GRID2: variants seen among roughly 807,000 people sequenced by gnomAD.
GRID2 encodes glutamate receptor ionotropic, delta-2.
A neutral mutation model predicts 114.8 loss-of-function variants in GRID2; 33 were observed. The observed-to-expected ratio is 0.29, with a 90% CI of 0.22 to 0.38. The LOEUF is 0.38. GRID2 is among the 10% of genes least tolerant of loss of function. The probability of loss-of-function intolerance (pLI) is 1.00; values close to 1 mark genes in which losing one functional copy is unlikely to be tolerated. For missense variants in GRID2, 1,184 were observed against 1,257.7 expected (o/e 0.94, Z 0.89); for synonymous variants, 505 against 449.9 (o/e 1.12, Z -1.55).
At chr4:92,818,895 T>A (rs960088982) in intron 2 of GRID2, among the ~76,000 whole-genome samples, 1 of 152,142 alleles carries the variant, frequency 6.6e-6, no homozygotes, top group Non-Finnish European at 1.5e-5. Flanking sequence ...GTATCTGTAA[T>A]TTATCTGCTT....
chr4:92,397,726 T>C (rs1458087380), intron 1 of GRID2, among the ~76,000 whole-genome samples: 1 of 151,998 alleles, frequency 6.6e-6, no homozygotes, highest in Non-Finnish European at 1.5e-5. Context: ...GGGGACAAAA[T>C]GTTACAATAG....
exon 2 of GRID2, chr4:93,809,826 C>T (rs939722582): frequency 6.6e-6 from 1 of 152,108 alleles, no homozygotes; most frequent in Non-Finnish European, 1.5e-5. Context: ...ACCTAAAAAA[C>T]ATTAGCAATT....
intron 2 of GRID2, among the ~76,000 whole-genome samples, chr4:93,011,369 C>T (rs1722120039): frequency 6.6e-6 from 1 of 151,878 alleles, no homozygotes; most frequent in Non-Finnish European, 1.5e-5. Flanking sequence ...AGGCCTGATT[C>T]ATTATATCAC....
At chr4:93,709,829 TTTC>T (rs1429271158) in intron 14 of GRID2, among the ~76,000 whole-genome samples, 1 of 152,226 alleles carries the variant, frequency 6.6e-6, no homozygotes, top group African/African-American at 2.4e-5. Context: ...TTCATTCTTT[TTTC>T]TTCTTGATCA....
At chr4:92,967,801 G>C (rs1431132341) in intron 2 of GRID2, among the ~76,000 whole-genome samples, 3 of 151,856 alleles carry the variant, frequency 2.0e-5, no homozygotes, top group Non-Finnish European at 4.4e-5. Flanking sequence ...TATAGCTATT[G>C]GATAGCTCCA....
chr4:92,480,724 C>T lies in GRID2; in HGVS notation c.89-109407C>T, dbSNP rs1722547409. Among the ~76,000 whole-genome samples the T allele has an allele frequency of 2.0e-5, 3 of 152,112 alleles. No homozygotes were observed. In the South Asian group the frequency reaches 6.2e-4, roughly 31 times the overall value. ...CTAACCTTAATTGCATCTGCAAGTA[C>T]TCTTTTTCTAAGTAACGTAACATTC... On this transcript the variant is annotated intron_variant, in intron 1 of 15. Coordinates refer to ENST00000282020, the MANE Select transcript of GRID2 (RefSeq NM_001510.4).
chr4:93,448,419 G>T (rs978926378), intron 10 of GRID2, among the ~76,000 whole-genome samples: 2 of 151,672 alleles, frequency 1.3e-5, no homozygotes, highest in Non-Finnish European at 2.9e-5. Flanking sequence ...ATAAAGAATA[G>T]ATTAAATAAG....
chr4:92,896,763 G>A (rs1747193234), intron 2 of GRID2, among the ~76,000 whole-genome samples: 1 of 152,142 alleles, frequency 6.6e-6, no homozygotes. Flanking sequence ...GTGTGTGTGA[G>A]ACGGAGTCTC....
intron 8 of GRID2, among the ~76,000 whole-genome samples, chr4:93,293,030 C>T (rs1753910753): frequency 6.6e-6 from 1 of 152,150 alleles, no homozygotes; most frequent in African/African-American, 2.4e-5. Context: ...AACAAGGTGT[C>T]AAACTATTCA....
intron 1 of GRID2, among the ~76,000 whole-genome samples, chr4:92,475,038 G>A (rs1342488063): frequency 6.7e-6 from 1 of 149,444 alleles, no homozygotes; most frequent in African/African-American, 2.5e-5. Flanking sequence ...GTTAATGGGT[G>A]CAGCACACCA....
intron 4 of GRID2, among the ~76,000 whole-genome samples, chr4:93,121,828 A>T (rs185653536): frequency 6.6e-6 from 1 of 152,276 alleles, no homozygotes; most frequent in African/African-American, 2.4e-5. Flanking sequence ...TCATCATTTT[A>T]TTTTAACTGC....
intron 1 of GRID2, among the ~76,000 whole-genome samples, chr4:92,496,713 TTTA>T (rs749779246): frequency 4.0e-5 from 6 of 151,512 alleles, no homozygotes; most frequent in Admixed American, 2.0e-4. Context: ...TTTAAACAGT[TTTA>T]TTGTGAAAAT....
At chr4:92,432,699 G>T (rs1732521902) in intron 1 of GRID2, among the ~76,000 whole-genome samples, 1 of 152,124 alleles carries the variant, frequency 6.6e-6, no homozygotes, top group Non-Finnish European at 1.5e-5. Context: ...CTAAGGCCTG[G>T]AATCAGGAAC....
intron 14 of GRID2, among the ~76,000 whole-genome samples, chr4:93,711,839 C>CG (rs1728508480): frequency 6.6e-6 from 1 of 152,164 alleles, no homozygotes; most frequent in African/African-American, 2.4e-5. Context: ...TTCCTCGATA[C>CG]AATGTTAAAA....
At chr4:93,026,784 T>C (rs1723921345) in intron 2 of GRID2, among the ~76,000 whole-genome samples, 1 of 152,022 alleles carries the variant, frequency 6.6e-6, no homozygotes, top group Admixed American at 6.6e-5. Flanking sequence ...TAAGAATGAC[T>C]ACTCACTAAG....
chr4:92,632,748 A>G (rs1261557870), intron 2 of GRID2, among the ~76,000 whole-genome samples: 1 of 151,848 alleles, frequency 6.6e-6, no homozygotes, highest in Non-Finnish European at 1.5e-5. Context: ...GAAGAAGTGA[A>G]GGAAGGGAAG....
At chr4:93,026,845 A>G (rs952990450) in intron 2 of GRID2, among the ~76,000 whole-genome samples, 1 of 152,058 alleles carries the variant, frequency 6.6e-6, no homozygotes, top group Admixed American at 6.6e-5. Flanking sequence ...CTTACACAGC[A>G]TACATTTTAA....
intron 2 of GRID2, among the ~76,000 whole-genome samples, chr4:92,974,141 C>T (rs142403226): frequency 0.014 from 2,197 of 152,238 alleles, 21 homozygotes; most frequent in East Asian, 0.053. Context: ...AATAAGATAC[C>T]ATCTCACGCC....
rs76088034 is a variant in GRID2, at chr4:93,273,532, A to G, written c.1245+35042A>G. 4.2e-3 allele frequency among the ~76,000 whole-genome samples: 638 copies of G among 152,170 alleles called. 3 individuals are homozygous for G. The highest frequency in any genetic ancestry group is 0.015 in the African/African-American group (611 of 41,532). On this transcript the variant is annotated intron_variant, in intron 8 of 15. Transcript: ENST00000282020. Reference sequence around the variant, plus strand: ...ATATGTTACATTCCTGAGGAATGTAATGGGGAAAGAGGAATTATATGGGAA... The same window carrying G: ...ATATGTTACATTCCTGAGGAATGTAGTGGGGAAAGAGGAATTATATGGGAA...
Sources: gnomAD v4.1 joint callset for allele counts (sites outside exome capture counted in the v4.1 genomes callset) on GRCh38, gnomAD v4.1.1 for gene constraint, MANE v1.5 for transcripts, NCBI Gene and HGNC (gene_info 2026-07-23, HGNC 2026-07-21) for gene names.